The following ABTB3 variants were observed in gnomAD, a reference collection of about 807,000 sequenced individuals.
The protein encoded by ABTB3 is ankyrin repeat- and BTB/POZ domain-containing protein 3.
chr12:107,582,057 C>T, the ABTB3 span, among the ~76,000 whole-genome samples: 25 of 152,246 alleles, frequency 1.6e-4, no homozygotes, highest in African/African-American at 6.0e-4. Flanking sequence ...TGCCTTTCCT[C>T]CACAGTTCAT....
At chr12:107,424,588 T>C in the ABTB3 span, among the ~76,000 whole-genome samples, 1 of 152,236 alleles carries the variant, frequency 6.6e-6, no homozygotes, top group Non-Finnish European at 1.5e-5. Context: ...GCTCCATCTT[T>C]CTGAGTTTCC....
At chr12:107,659,444 T>A in the ABTB3 span, 4 of 152,392 alleles carry the variant, frequency 2.6e-5, no homozygotes, top group East Asian at 7.7e-4. Flanking sequence ...GCATTGCGGC[T>A]GTCACCTTCC....
chr12:107,539,042 G>A, the ABTB3 span, among the ~76,000 whole-genome samples: 11 of 152,332 alleles, frequency 7.2e-5, no homozygotes, highest in Admixed American at 5.9e-4. Flanking sequence ...CACTTGCTGA[G>A]TGACACCTGG....
chr12:107,550,474 C>T, the ABTB3 span, among the ~76,000 whole-genome samples: 7 of 147,616 alleles, frequency 4.7e-5, no homozygotes, highest in African/African-American at 1.7e-4. Flanking sequence ...ACAGTAACAT[C>T]ATCGGTGGTT....
chr12:107,488,436 A>T, the ABTB3 span, among the ~76,000 whole-genome samples: 1 of 152,128 alleles, frequency 6.6e-6, no homozygotes, highest in African/African-American at 2.4e-5. Context: ...GAATAATAAT[A>T]TCTACCTCAT....
chr12:107,646,005 C>G, the ABTB3 span, among the ~76,000 whole-genome samples: 1 of 152,256 alleles, frequency 6.6e-6, no homozygotes, highest in Non-Finnish European at 1.5e-5. Context: ...CGGCTTACTT[C>G]AGTCCATGCT....
chr12:107,612,757 C>G, the ABTB3 span: 1 of 1,598,962 alleles, frequency 6.3e-7, no homozygotes, highest in South Asian at 1.1e-5. Context: ...GTTTTCCGTT[C>G]TCTGGTTTTT....
the ABTB3 span, among the ~76,000 whole-genome samples, chr12:107,336,105 C>A: frequency 6.6e-6 from 1 of 152,192 alleles, no homozygotes; most frequent in Non-Finnish European, 1.5e-5. Context: ...AGAGGTAGAA[C>A]TCATCAAAGC....
chr12:107,320,050 C>T, the ABTB3 span: 1 of 1,525,292 alleles, frequency 6.6e-7, no homozygotes, highest in African/African-American at 1.4e-5. Flanking sequence ...CCTACCAGCA[C>T]CTGATCTGCG....
the ABTB3 span, among the ~76,000 whole-genome samples, chr12:107,500,360 C>T: frequency 6.6e-5 from 10 of 152,106 alleles, no homozygotes; most frequent in African/African-American, 2.4e-4. Context: ...CCCCAGGTTG[C>T]CCTCATCTGT....
At chr12:107,461,519 C>T in the ABTB3 span, among the ~76,000 whole-genome samples, 1 of 152,196 alleles carries the variant, frequency 6.6e-6, no homozygotes, top group Non-Finnish European at 1.5e-5. Flanking sequence ...ACTGGCCTTG[C>T]TGGCACCTTG....
At chr12:107,612,695 A>G in the ABTB3 span, 1 of 1,306,210 alleles carries the variant, frequency 7.7e-7, no homozygotes, top group Non-Finnish European at 1.1e-6. Flanking sequence ...TCCGAAACAC[A>G]AGTAAGATTC....
chr12:107,458,234 A>G, the ABTB3 span, among the ~76,000 whole-genome samples: 2 of 152,060 alleles, frequency 1.3e-5, no homozygotes, highest in African/African-American at 4.8e-5. Flanking sequence ...GGCCTTTGTT[A>G]TTTCATCGTC....
chr12:107,405,842 G>T, the ABTB3 span, among the ~76,000 whole-genome samples: 15 of 152,344 alleles, frequency 9.8e-5, 1 homozygote, highest in East Asian at 2.9e-3. Context: ...GGCGATTGGA[G>T]ACCTGAGTGG....
the ABTB3 span, among the ~76,000 whole-genome samples, chr12:107,622,920 C>T: frequency 2.0e-5 from 3 of 152,192 alleles, no homozygotes; most frequent in Non-Finnish European, 2.9e-5. Flanking sequence ...ACTTGAAATC[C>T]GACCACACAT....
the ABTB3 span, chr12:107,615,031 A>G: frequency 3.7e-5 from 58 of 1,580,958 alleles, no homozygotes; most frequent in African/African-American, 7.4e-4. Context: ...TGAAGGTCAC[A>G]TTTTGAAAAT....
At chr12:107,527,098 A>G in the ABTB3 span, among the ~76,000 whole-genome samples, 2 of 151,806 alleles carry the variant, frequency 1.3e-5, no homozygotes, top group Non-Finnish European at 2.9e-5. Flanking sequence ...CTCCTCAGAG[A>G]TGCCCTCCAT....
chr12:107,441,295 A>T, the ABTB3 span, among the ~76,000 whole-genome samples: 10 of 152,344 alleles, frequency 6.6e-5, 1 homozygote, highest in South Asian at 2.1e-3. Context: ...AAGGAATGAG[A>T]TCATGTGCTT....
the ABTB3 span, among the ~76,000 whole-genome samples, chr12:107,538,418 A>G: frequency 6.6e-6 from 1 of 152,228 alleles, no homozygotes; most frequent in African/African-American, 2.4e-5. Flanking sequence ...TATCCTGCAC[A>G]CAGGAAGCAC....
Sources: gnomAD v4.1 joint callset for allele counts (sites outside exome capture counted in the v4.1 genomes callset) on GRCh38, gnomAD v4.1.1 for gene constraint, MANE v1.5 for transcripts, NCBI Gene and HGNC (gene_info 2026-07-23, HGNC 2026-07-21) for gene names.